NXPE2: variants seen among roughly 807,000 people sequenced by gnomAD.
NXPE2 encodes neurexophilin and PC-esterase domain family member 2, also known as NXPE family member 2.
Under a neutral mutation model 34.4 loss-of-function variants are expected in NXPE2, and 34 were observed. The ratio of observed to expected loss-of-function variants is 0.99; its 90% CI spans 0.75 to 1.31. The LOEUF is 1.31. NXPE2 is among the 40% of genes most tolerant of loss of function. NXPE2 has a pLI of 0.00. For synonymous variants in NXPE2, 235 were observed against 231.3 expected (o/e 1.02, Z -0.15); for missense variants, 649 against 672.5 (o/e 0.97, Z 0.39).
the NXPE2 span, among the ~76,000 whole-genome samples, chr11:114,497,091 G>A: frequency 5.3e-5 from 8 of 152,078 alleles, no homozygotes; most frequent in Non-Finnish European, 7.4e-5. Flanking sequence ...AGAAGAGGGC[G>A]TTGTTATTAT....
At chr11:114,573,084 AG>A in the NXPE2 span, among the ~76,000 whole-genome samples, 1 of 152,164 alleles carries the variant, frequency 6.6e-6, no homozygotes, top group Admixed American at 6.5e-5. Context: ...AAAAATTATC[AG>A]TCAAGAATTT....
chr11:114,554,134 C>T, the NXPE2 span: 1 of 985,426 alleles, frequency 1.0e-6, no homozygotes, highest in Non-Finnish European at 1.2e-6. Context: ...TGGTCATCCT[C>T]AGACAGGATT....
At chr11:114,768,069 T>A in the NXPE2 span, among the ~76,000 whole-genome samples, 1 of 151,990 alleles carries the variant, frequency 6.6e-6, no homozygotes, top group South Asian at 2.1e-4. Context: ...CTTTAATCCA[T>A]CTTGAGTTAA....
chr11:114,663,390 T>A, the NXPE2 span, among the ~76,000 whole-genome samples: 1 of 152,096 alleles, frequency 6.6e-6, no homozygotes, highest in African/African-American at 2.4e-5. Context: ...TAGGACTAAA[T>A]GGTTGCAGGT....
At chr11:114,735,018 G>T in the NXPE2 span, among the ~76,000 whole-genome samples, 1 of 152,186 alleles carries the variant, frequency 6.6e-6, no homozygotes, top group Admixed American at 6.5e-5. Flanking sequence ...GCCGAAGCAG[G>T]AGAATGGCGT....
the NXPE2 span, among the ~76,000 whole-genome samples, chr11:114,497,872 T>C: frequency 1.3e-5 from 2 of 152,196 alleles, no homozygotes; most frequent in Non-Finnish European, 2.9e-5. Context: ...AAGCATTTCA[T>C]TGGTATCTTC....
chr11:114,540,838 T>TA, the NXPE2 span, among the ~76,000 whole-genome samples: 1 of 13,296 alleles, frequency 7.5e-5, no homozygotes, highest in Non-Finnish European at 1.4e-4. Context: ...GAAAGCCATC[T>TA]TTTTTTTTTT....
chr11:114,683,805 G>C (rs1950991765), intron 2 of NXPE2, among the ~76,000 whole-genome samples: 1 of 152,130 alleles, frequency 6.6e-6, no homozygotes, highest in Admixed American at 6.5e-5. Context: ...CAGTGATCTG[G>C]GTGAGAGGTA....
the NXPE2 span, among the ~76,000 whole-genome samples, chr11:114,483,856 C>T: frequency 6.6e-6 from 1 of 152,150 alleles, no homozygotes; most frequent in Admixed American, 6.5e-5. Flanking sequence ...TGCATCACCT[C>T]GTGGTAGTAG....
the NXPE2 span, among the ~76,000 whole-genome samples, chr11:114,593,594 C>T: frequency 6.6e-6 from 1 of 152,046 alleles, no homozygotes; most frequent in Admixed American, 6.6e-5. Context: ...ATTAGTACAA[C>T]CACTATAGAG....
chr11:114,707,961 G>A (rs1358426145), downstream of NXPE2, among the ~76,000 whole-genome samples: 1 of 152,132 alleles, frequency 6.6e-6, no homozygotes, highest in Non-Finnish European at 1.5e-5. Flanking sequence ...CATTTGGGTT[G>A]TTTCCCCTTT....
chr11:114,652,240 A>G, the NXPE2 span, among the ~76,000 whole-genome samples: 2 of 152,224 alleles, frequency 1.3e-5, no homozygotes, highest in Non-Finnish European at 2.9e-5. Flanking sequence ...AATTTGGTGC[A>G]TGAAAAAGTA....
chr11:114,718,928 G>T, the NXPE2 span, among the ~76,000 whole-genome samples: 1 of 152,070 alleles, frequency 6.6e-6, no homozygotes, highest in Admixed American at 6.6e-5. Context: ...CTCTCTCCTT[G>T]CAAAGAGTTA....
the NXPE2 span, among the ~76,000 whole-genome samples, chr11:114,628,561 G>C: frequency 1.3e-5 from 2 of 150,620 alleles, no homozygotes; most frequent in African/African-American, 4.9e-5. Flanking sequence ...GCCCACAAGA[G>C]AAAGCAGGAA....
chr11:114,672,029 A>G, the NXPE2 span, among the ~76,000 whole-genome samples: 1 of 152,038 alleles, frequency 6.6e-6, no homozygotes, highest in Non-Finnish European at 1.5e-5. Context: ...AAGCAAGCAC[A>G]TCTTCACATG....
At chr11:114,511,096 C>G in the NXPE2 span, among the ~76,000 whole-genome samples, 1 of 152,082 alleles carries the variant, frequency 6.6e-6, no homozygotes, top group Non-Finnish European at 1.5e-5. Context: ...GTGTTGTAAA[C>G]ATTGTTGGCG....
chr11:114,628,377 C>T, the NXPE2 span, among the ~76,000 whole-genome samples: 6 of 152,190 alleles, frequency 3.9e-5, no homozygotes, highest in African/African-American at 1.4e-4. Flanking sequence ...CACTCAAAAC[C>T]ACTGAACTAC....
chr11:114,596,132 G>A, the NXPE2 span, among the ~76,000 whole-genome samples: 11 of 152,152 alleles, frequency 7.2e-5, no homozygotes, highest in African/African-American at 2.7e-4. Context: ...CCAGTTGGCA[G>A]GATTCAAGTG....
chr11:114,797,998 ACAATCTAAACCGAAGTTAAATTGGCTAT>A, the NXPE2 span, among the ~76,000 whole-genome samples: 1 of 152,134 alleles, frequency 6.6e-6, no homozygotes, highest in Admixed American at 6.5e-5. Context: ...AAACTGAGAA[ACAATCTAAACCGAAGTTAAATTGGCTAT>A]CAGACTGCAA....
Sources: gnomAD v4.1 joint callset for allele counts (sites outside exome capture counted in the v4.1 genomes callset) on GRCh38, gnomAD v4.1.1 for gene constraint, MANE v1.5 for transcripts, NCBI Gene and HGNC (gene_info 2026-07-23, HGNC 2026-07-21) for gene names.